The following FSTL4 variants were observed in gnomAD, a reference collection of about 807,000 sequenced individuals.
FSTL4 encodes the protein follistatin-related protein 4.
Under a neutral mutation model 78.2 loss-of-function variants are expected in FSTL4, and 28 were observed. That is an observed-to-expected ratio of 0.36 (90% CI 0.27 to 0.49). The LOEUF is 0.49. Among genes scored for constraint, FSTL4 ranks in the 20% least tolerant of loss-of-function variants. The pLI, the probability that FSTL4 is intolerant of heterozygous loss-of-function variation, is 0.98. For missense variants in FSTL4, 922 were observed against 1,084.9 expected (o/e 0.85, Z 2.11); for synonymous variants, 422 against 440.5 (o/e 0.96, Z 0.53).
the FSTL4 span, among the ~76,000 whole-genome samples, chr5:133,741,820 A>G: frequency 6.6e-6 from 1 of 152,238 alleles, no homozygotes; most frequent in East Asian, 1.9e-4. Flanking sequence ...TCTCCCTGCC[A>G]GCTCTCATGA....
chr5:133,355,525 G>A (rs533817124), intron 4 of FSTL4, among the ~76,000 whole-genome samples: 30 of 152,212 alleles, frequency 2.0e-4, no homozygotes, highest in African/African-American at 6.7e-4. Flanking sequence ...GTGTGGTGGC[G>A]CATGCCTATA....
the FSTL4 span, among the ~76,000 whole-genome samples, chr5:133,704,730 C>T: frequency 6.6e-6 from 1 of 152,332 alleles, no homozygotes; most frequent in East Asian, 1.9e-4. Flanking sequence ...CTGGGGTGTA[C>T]CCAATGCCTG....
At chr5:133,237,040 GCTTT>G (rs1751683726) in intron 7 of FSTL4, among the ~76,000 whole-genome samples, 1 of 152,170 alleles carries the variant, frequency 6.6e-6, no homozygotes, top group Non-Finnish European at 1.5e-5. Context: ...ACCGAGCTAG[GCTTT>G]CTGAGGGGAT....
chr5:133,210,436 C>G (rs968441041), intron 13 of FSTL4, 138 bp from the exon 14 acceptor site: 19 of 447,802 alleles, frequency 4.2e-5, no homozygotes, highest in African/African-American at 3.4e-4. Flanking sequence ...GAACCCAGGG[C>G]AGAAGCTTCC....
the FSTL4 span, among the ~76,000 whole-genome samples, chr5:133,683,615 G>A: frequency 4.6e-5 from 7 of 152,214 alleles, no homozygotes; most frequent in Admixed American, 1.3e-4. Flanking sequence ...AGCTCCAAAC[G>A]CAGCATCATG....
At chr5:133,388,571 C>CTTGCACGGGG (rs1755761609) in intron 4 of FSTL4, 1 of 146,148 alleles carries the variant, frequency 6.8e-6, no homozygotes, top group African/African-American at 2.5e-5. Context: ...GCCCCCAGTG[C>CTTGCACGGGG]AACACCAGGT....
At chr5:133,535,073 G>C (rs1247660097) in intron 3 of FSTL4, among the ~76,000 whole-genome samples, 1 of 152,194 alleles carries the variant, frequency 6.6e-6, no homozygotes, top group Admixed American at 6.5e-5. Flanking sequence ...CTGACAGGAT[G>C]GTTGGCCTCA....
chr5:133,698,640 G>A, the FSTL4 span, among the ~76,000 whole-genome samples: 9 of 152,380 alleles, frequency 5.9e-5, no homozygotes, highest in African/African-American at 1.4e-4. Context: ...TGCGTGTAAC[G>A]TGCTTGGCAC....
intron 2 of FSTL4, among the ~76,000 whole-genome samples, chr5:133,580,284 T>C (rs1481911879): frequency 6.6e-6 from 1 of 152,092 alleles, no homozygotes; most frequent in Non-Finnish European, 1.5e-5. Flanking sequence ...TCCCACCTCC[T>C]TGACCCTCCC....
the FSTL4 span, among the ~76,000 whole-genome samples, chr5:133,741,046 G>A: frequency 2.0e-5 from 3 of 152,150 alleles, no homozygotes; most frequent in Non-Finnish European, 4.4e-5. Context: ...AACACCAAAG[G>A]AGAGGAAAAG....
At chr5:133,713,897 C>T in the FSTL4 span, among the ~76,000 whole-genome samples, 12 of 152,300 alleles carry the variant, frequency 7.9e-5, no homozygotes, top group African/African-American at 2.4e-4. Context: ...AGCCACACAT[C>T]GGCTCTCCCA....
chr5:133,760,328 G>GT, the FSTL4 span, among the ~76,000 whole-genome samples: 1 of 152,230 alleles, frequency 6.6e-6, no homozygotes, highest in African/African-American at 2.4e-5. Flanking sequence ...TTCCTGGAAA[G>GT]GGAGCAGAAC....
chr5:133,203,990 C>A (rs1414860058), intron 14 of FSTL4, among the ~76,000 whole-genome samples: 2 of 152,106 alleles, frequency 1.3e-5, no homozygotes, highest in Admixed American at 6.5e-5. Flanking sequence ...AACTGTCAAG[C>A]CCCTCACATT....
chr5:133,427,045 C>T (rs967792342), intron 3 of FSTL4, among the ~76,000 whole-genome samples: 2 of 152,206 alleles, frequency 1.3e-5, no homozygotes, highest in African/African-American at 4.8e-5. Context: ...TGAACTAGCT[C>T]ACACTGCCCC....
intron 3 of FSTL4, among the ~76,000 whole-genome samples, chr5:133,460,560 T>A (rs1038660632): frequency 5.9e-5 from 9 of 152,192 alleles, no homozygotes; most frequent in African/African-American, 2.2e-4. Flanking sequence ...GCAAGCCTCA[T>A]CTCCGTTTTA....
At chr5:133,595,251 G>C (rs1224643872) in intron 2 of FSTL4, among the ~76,000 whole-genome samples, 2 of 152,130 alleles carry the variant, frequency 1.3e-5, no homozygotes, top group African/African-American at 4.8e-5. Flanking sequence ...AGCCTCTCCT[G>C]GTTCAAGAAG....
At chr5:133,661,273 A>G in the FSTL4 span, among the ~76,000 whole-genome samples, 1 of 152,328 alleles carries the variant, frequency 6.6e-6, no homozygotes, top group African/African-American at 2.4e-5. Flanking sequence ...TACAGGCGTG[A>G]GCCACCGTGC....
rs540889981 is a variant in FSTL4, at chr5:133,593,427, G to A, written c.126+10431C>T. Among the ~76,000 whole-genome samples the A allele has an allele frequency of 2.0e-5, 3 of 152,236 alleles. No individual in the cohort carries two copies. The East Asian group carries it at 5.8e-4, about 30-fold the overall frequency. ...GGGAGTGTTGAAGGACGGTAAAGGA[G>A]GGGGCTGGTGGAGGTTCTGGACACC... On this transcript the variant is annotated intron_variant, in intron 2 of 15. Transcript: ENST00000265342.
At chr5:133,489,426 C>CA (rs1758211685) in intron 3 of FSTL4, among the ~76,000 whole-genome samples, 1 of 152,040 alleles carries the variant, frequency 6.6e-6, no homozygotes, top group African/African-American at 2.4e-5. Context: ...TTTCTCTTTT[C>CA]TTTTTTTTCT....
Sources: allele counts gnomAD v4.1 joint callset (sites outside exome capture counted in the v4.1 genomes callset), GRCh38; gene constraint gnomAD v4.1.1; transcripts MANE v1.5; gene names NCBI Gene and HGNC (gene_info 2026-07-23, HGNC 2026-07-21).